Variants in CPXM2 observed in about 807,000 individuals in gnomAD.
The protein encoded by CPXM2 is inactive carboxypeptidase-like protein X2.
A neutral mutation model predicts 86.1 loss-of-function variants in CPXM2; 66 were observed. That is an observed-to-expected ratio of 0.77 (90% CI 0.63 to 0.94). CPXM2 has a LOEUF of 0.94. Among genes scored for constraint, CPXM2 ranks in the 40% least tolerant of loss-of-function variants. The pLI is 0.00. For missense variants in CPXM2, 948 were observed against 1,026.3 expected (o/e 0.92, Z 1.04); for synonymous variants, 388 against 400.2 (o/e 0.97, Z 0.36).
intron 13 of CPXM2, chr10:123,751,901 C>G: frequency 1.0e-6 from 1 of 985,356 alleles, no homozygotes; most frequent in Non-Finnish European, 1.2e-6. Flanking sequence ...TTCCCATTAG[C>G]TCATCAAAAC....
intron 3 of CPXM2, among the ~76,000 whole-genome samples, chr10:123,852,078 C>T (rs749617677): frequency 6.6e-6 from 1 of 152,180 alleles, no homozygotes; most frequent in Non-Finnish European, 1.5e-5. Flanking sequence ...GCCCTGCTAA[C>T]ACCTTGATTT....
At chr10:123,899,073 T>C (rs74632571) in intron 2 of CPXM2, among the ~76,000 whole-genome samples, 12,646 of 152,138 alleles carry the variant, frequency 0.083, 630 homozygotes, top group East Asian at 0.21. Context: ...TTACAGAAAA[T>C]AGAAAAAGAG....
chr10:123,828,813 G>A (rs1470170271), intron 4 of CPXM2, among the ~76,000 whole-genome samples: 1 of 152,162 alleles, frequency 6.6e-6, no homozygotes, highest in African/African-American at 2.4e-5. Context: ...CTTGATAAAA[G>A]AAATTCTTAA....
intron 2 of CPXM2, among the ~76,000 whole-genome samples, chr10:123,901,969 C>G (rs1945386668): frequency 2.0e-5 from 3 of 152,208 alleles, no homozygotes; most frequent in Admixed American, 6.5e-5. Flanking sequence ...AATGAAGTCT[C>G]TTTCCTCCGA....
intron 7 of CPXM2, among the ~76,000 whole-genome samples, chr10:123,772,831 A>G (rs968598900): frequency 6.8e-6 from 1 of 148,004 alleles, no homozygotes; most frequent in Non-Finnish European, 1.5e-5. Context: ...GGTTGTGGTT[A>G]TCACCTCCCT....
intron 1 of CPXM2, among the ~76,000 whole-genome samples, chr10:123,888,311 T>C (rs909303893): frequency 6.6e-6 from 1 of 152,194 alleles, no homozygotes; most frequent in Admixed American, 6.5e-5. Context: ...AAAGTACATA[T>C]AGACTTTTAA....
At chr10:123,836,233 TG>T (rs1468316641) in intron 4 of CPXM2, among the ~76,000 whole-genome samples, 1 of 152,112 alleles carries the variant, frequency 6.6e-6, no homozygotes, top group Middle Eastern at 3.2e-3. Flanking sequence ...CCTTGAACCC[TG>T]ACCCCAGTCA....
chr10:123,880,654 C>G lies in CPXM2; in HGVS notation c.305-345G>C, dbSNP rs576074919. Among the ~76,000 whole-genome samples the G allele has an allele frequency of 1.9e-4, 29 of 151,746 alleles. No individual in the cohort carries two copies. The East Asian group carries it at 5.1e-3, about 26-fold the overall frequency. On this transcript the variant is annotated intron_variant, in intron 1 of 13. Coordinates refer to ENST00000241305, the MANE Select transcript of CPXM2 (RefSeq NM_198148.3). ...ACCATCCTGGCTAACACGGTGAAAC[C>G]CTGTCTCTACTAAAAATACAAAAAA...
chr10:123,881,232 T>TCTTCCCTTCC lies in CPXM2; in HGVS notation c.305-933_305-924dup, dbSNP rs201527972. On this transcript the variant is annotated intron_variant, in intron 1 of 13. Coordinates refer to ENST00000241305, the MANE Select transcript of CPXM2 (RefSeq NM_198148.3). ...TGTTCCTTCTCCTGGAGCACCCTTC[T>TCTTCCCTTCC]CTTCCCTTCCCTTCCCTTCCCTTCC... Among the ~76,000 whole-genome samples, 47 of 64,922 alleles carry TCTTCCCTTCC rather than the reference T, an allele frequency of 7.2e-4. 3 individuals are homozygous for TCTTCCCTTCC. The highest frequency in any genetic ancestry group is 5.4e-3 in the South Asian group (14 of 2,570). The allele number at this position is 64,922 out of a possible 152,430, so 42.6% of individuals were successfully genotyped here. A position where few individuals can be genotyped will look rare whatever the true frequency, so the allele number is the denominator to read the frequency against.
At chr10:123,776,288 A>G (rs555364195) in intron 7 of CPXM2, among the ~76,000 whole-genome samples, 4 of 152,302 alleles carry the variant, frequency 2.6e-5, no homozygotes, top group African/African-American at 4.8e-5. Flanking sequence ...GAGAAATACC[A>G]TCTTAGAAAG....
Position 123,754,789 on chromosome 10 carries a change from T to G in CPXM2, c.1918-27A>C. On this transcript the variant is annotated intron_variant, in intron 12 of 13. Transcript: ENST00000241305. This position sits in a 1 kb window ranked among gnomAD's most constrained non-coding sequence, Gnocchi z 4.0. ...TGCTCAGCAAACATGAGACACAGGG[T>G]GAGGTCACCGACCAGCTCTGGACAC... 1 of 1,342,158 alleles carries G rather than the reference T, an allele frequency of 7.5e-7. No homozygotes were observed. Among genetic ancestry groups the G allele is most frequent in the Admixed American group, 1.7e-5 (1 of 59,686 alleles). The allele number at this position is 1,342,158 out of a possible 1,614,324, so 83.1% of individuals were successfully genotyped here.
Position 123,757,365 on chromosome 10 carries a change from C to A in CPXM2, c.1778-13G>T. 1 of 1,609,568 alleles carries A rather than the reference C, an allele frequency of 6.2e-7. No homozygotes were observed. The highest frequency in any genetic ancestry group is 1.1e-5 in the South Asian group (1 of 90,800). ...AAATCGTTCAGACCTGCCAAGCCAA[C>A]CGGACAACACTTTAACTGAACAATA... is the stretch of plus-strand genomic sequence containing the variant. On this transcript the variant is annotated splice_polypyrimidine_tract_variant and intron_variant, in intron 11 of 13. Transcript: ENST00000241305.
At chr10:123,897,120 C>A (rs535691418) in intron 2 of CPXM2, among the ~76,000 whole-genome samples, 1 of 141,046 alleles carries the variant, frequency 7.1e-6, no homozygotes, top group South Asian at 2.5e-4. Context: ...CCTTGGGCTT[C>A]CCTGAAACCC....
chr10:123,855,650 G>A (rs1034917631), intron 3 of CPXM2, among the ~76,000 whole-genome samples: 1 of 152,202 alleles, frequency 6.6e-6, no homozygotes, highest in Non-Finnish European at 1.5e-5. Flanking sequence ...ATAAAACTCA[G>A]TTGGTTCAAT....
At chr10:123,828,123 A>T (rs1225305281) in intron 4 of CPXM2, among the ~76,000 whole-genome samples, 1 of 152,118 alleles carries the variant, frequency 6.6e-6, no homozygotes. Context: ...GTGAGTCATG[A>T]TTGTGCCACT....
intron 4 of CPXM2, among the ~76,000 whole-genome samples, chr10:123,833,738 G>A (rs570991367): frequency 2.8e-4 from 42 of 152,302 alleles, no homozygotes; most frequent in African/African-American, 7.0e-4. Context: ...CCCAGTTAAC[G>A]CCACTAGGAC....
At chr10:123,904,747 C>T (rs1395440763) in intron 2 of CPXM2, among the ~76,000 whole-genome samples, 1 of 152,194 alleles carries the variant, frequency 6.6e-6, no homozygotes, top group Admixed American at 6.5e-5. Context: ...GTATCACACT[C>T]TTGTGCATTC....
At chr10:123,777,027 CAGA>C (rs1218443246) in intron 7 of CPXM2, 1 of 152,184 alleles carries the variant, frequency 6.6e-6, no homozygotes, top group Non-Finnish European at 1.5e-5. Context: ...AAAGAAATTC[CAGA>C]AGAAGGGAAG....
chr10:123,775,337 A>G (rs79082338), intron 7 of CPXM2, among the ~76,000 whole-genome samples: 3,360 of 152,298 alleles, frequency 0.022, 43 homozygotes, highest in Non-Finnish European at 0.028. Context: ...CAGGCAATTC[A>G]CTGTCTTACA....
Sources: gnomAD v4.1 joint callset for allele counts (sites outside exome capture counted in the v4.1 genomes callset) on GRCh38, gnomAD v4.1.1 for gene constraint, Gnocchi (gnomAD v3.1) non-coding constraint, MANE v1.5 for transcripts, NCBI Gene and HGNC (gene_info 2026-07-23, HGNC 2026-07-21) for gene names.